SLC15A5: variants seen among roughly 807,000 people sequenced by gnomAD.
SLC15A5 encodes the protein solute carrier family 15 member 5.
Under a neutral mutation model 56.1 loss-of-function variants are expected in SLC15A5, and 58 were observed. The observed-to-expected ratio is 1.03, with a 90% CI of 0.84 to 1.29. The LOEUF (loss-of-function observed/expected upper bound fraction) is 1.29. SLC15A5 is among the 50% of genes most tolerant of loss of function. SLC15A5 has a pLI of 0.00. For missense variants in SLC15A5, 681 were observed against 672.1 expected (o/e 1.01, Z -0.15); for synonymous variants, 264 against 250.5 (o/e 1.05, Z -0.51).
chr12:16,192,230 A>G (rs117806555), intron 8 of SLC15A5, among the ~76,000 whole-genome samples: 4,327 of 152,226 alleles, frequency 0.028, 87 homozygotes, highest in Non-Finnish European at 0.041. Flanking sequence ...GCTGCTCAAC[A>G]CATAGAAAAT....
chr12:16,265,234 A>G (rs1864682414), intron 2 of SLC15A5, among the ~76,000 whole-genome samples: 1 of 152,168 alleles, frequency 6.6e-6, no homozygotes, highest in African/African-American at 2.4e-5. Flanking sequence ...GATGAGAGCT[A>G]AGAGCAAACT....
At chr12:16,238,294 G>A (rs2136256954) in intron 5 of SLC15A5, among the ~76,000 whole-genome samples, 1 of 152,224 alleles carries the variant, frequency 6.6e-6, no homozygotes, top group Non-Finnish European at 1.5e-5. Context: ...AAAAATACCT[G>A]TGACTAGAAG....
chr12:16,207,080 C>T (rs912229814), intron 7 of SLC15A5, among the ~76,000 whole-genome samples: 7 of 152,066 alleles, frequency 4.6e-5, no homozygotes, highest in Non-Finnish European at 7.4e-5. Flanking sequence ...TAGCATTAGT[C>T]AAATGAATAT....
chr12:16,194,678 T>A (rs1379009444), intron 7 of SLC15A5, among the ~76,000 whole-genome samples: 1 of 152,058 alleles, frequency 6.6e-6, no homozygotes, highest in East Asian at 1.9e-4. Context: ...ACTCTTAATT[T>A]GCATCGCACA....
chr12:16,270,743 T>A (rs1241669085), intron 2 of SLC15A5, among the ~76,000 whole-genome samples: 5 of 152,192 alleles, frequency 3.3e-5, no homozygotes, highest in African/African-American at 1.2e-4. Flanking sequence ...GCCAGCTGTC[T>A]GGTTGCCCAG....
At chr12:16,210,587 A>G (rs550840823) in intron 7 of SLC15A5, among the ~76,000 whole-genome samples, 1 of 152,296 alleles carries the variant, frequency 6.6e-6, no homozygotes, top group South Asian at 2.1e-4. Flanking sequence ...GTCCTCATAA[A>G]AAGCTTGAAA....
Position 16,224,649 on chromosome 12 carries a change from G to A in SLC15A5, c.1163-47C>T, listed in dbSNP as rs545684187. 5.4e-5 allele frequency: 80 copies of A among 1,481,184 alleles called. No individual in the cohort carries two copies. The East Asian group carries it at 1.8e-3, about 32-fold the overall frequency. 91.8% of individuals were successfully genotyped at this position (1,481,184 alleles called of 1,614,324 possible). On this transcript the variant is annotated intron_variant, in intron 5 of 8. Transcript: ENST00000344941. Reference sequence around the variant, plus strand: ...GAAAAAAAAGTTAAACGAAGAGCTAGAGATTCATGTAATAAGCCATAACAT... The same window carrying A: ...GAAAAAAAAGTTAAACGAAGAGCTAAAGATTCATGTAATAAGCCATAACAT...
In SLC15A5 at chr12:16,235,282, G is replaced by GTA. The variant is rs1384448739; in HGVS notation, c.1162+4397_1162+4398dup. 3.3e-3 allele frequency among the ~76,000 whole-genome samples: 460 copies of GTA among 138,698 alleles called. 3 individuals are homozygous for GTA. The highest frequency in any genetic ancestry group is 4.4e-3 in the Non-Finnish European group (280 of 63,594). The allele number at this position is 138,698 out of a possible 152,430, so 91.0% of individuals were successfully genotyped here. ...TATATATATGTATATGTATATATAT[G>GTA]TATATATGTATATGTATATGTATAT... On this transcript the variant is annotated intron_variant, in intron 5 of 8. Transcript: ENST00000344941. This position sits in a 1 kb window ranked among gnomAD's most constrained non-coding sequence, Gnocchi z 4.1.
chr12:16,202,844 T>C (rs535864230), intron 7 of SLC15A5, among the ~76,000 whole-genome samples: 2 of 152,264 alleles, frequency 1.3e-5, no homozygotes, highest in African/African-American at 4.8e-5. Flanking sequence ...ATTATGCTAA[T>C]TGACGTAAGC....
chr12:16,229,550 T>C (rs1186771256), intron 5 of SLC15A5, among the ~76,000 whole-genome samples: 2 of 151,980 alleles, frequency 1.3e-5, no homozygotes, highest in African/African-American at 2.4e-5. Context: ...AATTACTTCA[T>C]TGGAAGATTC....
chr12:16,254,058 A>G (rs781150088), intron 3 of SLC15A5, among the ~76,000 whole-genome samples: 1 of 152,122 alleles, frequency 6.6e-6, no homozygotes, highest in Non-Finnish European at 1.5e-5. Flanking sequence ...AGACAAGTGA[A>G]TAAAGAAAAT....
rs898671908 is a variant in SLC15A5, at chr12:16,246,504, T to C, written c.755-1704A>G. 2.6e-5 allele frequency among the ~76,000 whole-genome samples: 4 copies of C among 152,176 alleles called. No individual in the cohort carries two copies. The East Asian group carries it at 5.8e-4, about 22-fold the overall frequency. ...TGACATTTCCTTACAATCTTGTCTC[T>C]ATTACTCATCAACCTGTTCTCTGCT... On this transcript the variant is annotated intron_variant, in intron 3 of 8. Coordinates refer to ENST00000344941, the MANE Select transcript of SLC15A5 (RefSeq NM_001170798.1).
intron 7 of SLC15A5, among the ~76,000 whole-genome samples, chr12:16,202,706 A>G (rs1048685777): frequency 4.5e-4 from 69 of 152,290 alleles, no homozygotes; most frequent in African/African-American, 1.6e-3. Flanking sequence ...TAAGATATGA[A>G]CACAACTAAA....
chr12:16,197,257 A>G (rs1022569942), intron 7 of SLC15A5, among the ~76,000 whole-genome samples: 3 of 152,094 alleles, frequency 2.0e-5, no homozygotes, highest in Non-Finnish European at 2.9e-5. Flanking sequence ...TTCATTTAAC[A>G]TTCTCTGTAT....
At chr12:16,275,122 T>A (rs539782548) in intron 1 of SLC15A5, among the ~76,000 whole-genome samples, 1 of 152,126 alleles carries the variant, frequency 6.6e-6, no homozygotes, top group Admixed American at 6.6e-5. Context: ...AAGTGATGGA[T>A]GCAATCGTAT....
intron 7 of SLC15A5, among the ~76,000 whole-genome samples, chr12:16,210,618 TAG>T (rs1347191042): frequency 6.6e-6 from 1 of 152,174 alleles, no homozygotes; most frequent in Non-Finnish European, 1.5e-5. Context: ...TAGTGAAGAC[TAG>T]AGAGAGAAAC....
At chr12:16,265,197 G>T (rs1010279791) in intron 2 of SLC15A5, among the ~76,000 whole-genome samples, 14 of 152,160 alleles carry the variant, frequency 9.2e-5, no homozygotes, top group African/African-American at 3.1e-4. Flanking sequence ...GCAAGGTATG[G>T]AGAAAATCAC....
At chr12:16,190,287 TAC>T (rs1409986205) in intron 8 of SLC15A5, among the ~76,000 whole-genome samples, 1 of 152,198 alleles carries the variant, frequency 6.6e-6, no homozygotes, top group African/African-American at 2.4e-5. Context: ...GTCTTCTAAG[TAC>T]CAGCCCCATG....
intron 3 of SLC15A5, among the ~76,000 whole-genome samples, chr12:16,257,034 T>A (rs1411946843): frequency 6.6e-6 from 1 of 151,940 alleles, no homozygotes; most frequent in African/African-American, 2.4e-5. Flanking sequence ...AAAAAACAAA[T>A]TTCAAAAAGG....
Sources: allele counts gnomAD v4.1 joint callset (sites outside exome capture counted in the v4.1 genomes callset), GRCh38; gene constraint gnomAD v4.1.1; non-coding constraint Gnocchi (gnomAD v3.1); transcripts MANE v1.5; gene names NCBI Gene and HGNC (gene_info 2026-07-23, HGNC 2026-07-21).